RAP1GDS1: variants seen among roughly 807,000 people sequenced by gnomAD.
RAP1GDS1 encodes the protein RAP1, GTP-GDP dissociation stimulator 1.
A neutral mutation model predicts 71.1 loss-of-function variants in RAP1GDS1; 35 were observed. The observed-to-expected ratio is 0.49, with a 90% CI of 0.38 to 0.65. RAP1GDS1 has a LOEUF of 0.65. RAP1GDS1 is among the 30% of genes least tolerant of loss of function. The probability of loss-of-function intolerance (pLI) is 0.00; values close to 1 mark genes in which losing one functional copy is unlikely to be tolerated. For synonymous variants in RAP1GDS1, 229 were observed against 243.1 expected (o/e 0.94, Z 0.54); for missense variants, 663 against 706.1 (o/e 0.94, Z 0.69).
At chr4:98,418,524 G>A (rs1748332942) in intron 9 of RAP1GDS1, 133 bp from the exon 10 acceptor site, 2 of 854,922 alleles carry the variant, frequency 2.3e-6, no homozygotes, top group Non-Finnish European at 1.6e-6. Context: ...AAATCTGATG[G>A]GAGAAAGATT....
chr4:98,344,917 CA>C (rs571482212), intron 3 of RAP1GDS1, among the ~76,000 whole-genome samples: 303 of 152,228 alleles, frequency 2.0e-3, no homozygotes, highest in African/African-American at 7.2e-3. Context: ...CTTGACCTCC[CA>C]GGGTCAAGCA....
chr4:98,411,146 T>A (rs1395199198), intron 7 of RAP1GDS1, among the ~76,000 whole-genome samples: 1 of 152,192 alleles, frequency 6.6e-6, no homozygotes, highest in African/African-American at 2.4e-5. Context: ...GTGTAAACAG[T>A]GGTGATAAAG....
intron 7 of RAP1GDS1, among the ~76,000 whole-genome samples, chr4:98,406,471 C>T (rs945838685): frequency 6.6e-6 from 1 of 151,640 alleles, no homozygotes; most frequent in Non-Finnish European, 1.5e-5. Context: ...AATAAAAGGT[C>T]CAATTTACCT....
chr4:98,329,788 CAAAA>C (rs34140500), intron 2 of RAP1GDS1, among the ~76,000 whole-genome samples: 1 of 43,426 alleles, frequency 2.3e-5, no homozygotes, highest in Non-Finnish European at 4.9e-5. Context: ...GACTCCATCT[CAAAA>C]AAAAAAAAAA....
chr4:98,415,655 A>G (rs938879907), intron 7 of RAP1GDS1, among the ~76,000 whole-genome samples: 2 of 152,188 alleles, frequency 1.3e-5, no homozygotes. Context: ...GTATAATAAA[A>G]AGTGTTGATG....
rs188666423 is a variant in RAP1GDS1, at chr4:98,298,563, T to G, written c.112+5048T>G. On this transcript the variant is annotated intron_variant, in intron 2 of 14. Transcript: ENST00000408927. ...AAAACAAAGTCTGGATGACAGCACA[T>G]CTATTTACAGCATGGTTTACTGAAT... Among the ~76,000 whole-genome samples, 436 of 152,264 alleles carry G rather than the reference T, an allele frequency of 2.9e-3. 2 individuals carry two copies. The highest frequency in any genetic ancestry group is 9.9e-3 in the African/African-American group (413 of 41,536).
In RAP1GDS1 at chr4:98,442,129, T is replaced by TA. The variant is rs771478683; in HGVS notation, c.*13dup. 1.9e-6 allele frequency: 3 copies of TA among 1,611,168 alleles called. No individual in the cohort carries two copies. In the East Asian group the frequency reaches 6.7e-5, roughly 36 times the overall value. On this transcript the variant is annotated 3_prime_UTR_variant, in exon 15 of 15. Transcript: ENST00000408927. ...CTGTGGAAAGCTGAGAACTGCCCGA[T>TA]ACACGGCATCATCCCATCTCTAATT... is the stretch of plus-strand genomic sequence containing the variant.
intron 1 of RAP1GDS1, among the ~76,000 whole-genome samples, chr4:98,282,373 C>G (rs1725244876): frequency 6.6e-6 from 1 of 152,134 alleles, no homozygotes; most frequent in Non-Finnish European, 1.5e-5. Context: ...TCCATTTCTT[C>G]TAGATTTTCT....
intron 3 of RAP1GDS1, among the ~76,000 whole-genome samples, chr4:98,351,848 A>G (rs1305051168): frequency 6.6e-6 from 1 of 152,048 alleles, no homozygotes; most frequent in Non-Finnish European, 1.5e-5. Context: ...CTGTAAATGT[A>G]TGGGTATAGC....
chr4:98,419,453 T>C (rs1317241423), intron 10 of RAP1GDS1, among the ~76,000 whole-genome samples: 3 of 152,212 alleles, frequency 2.0e-5, no homozygotes, highest in African/African-American at 7.2e-5. Flanking sequence ...ATGTACAATT[T>C]TTTTAAAATA....
At chr4:98,367,055 C>T (rs1307133517) in intron 4 of RAP1GDS1, among the ~76,000 whole-genome samples, 4 of 152,208 alleles carry the variant, frequency 2.6e-5, no homozygotes, top group Non-Finnish European at 5.9e-5. Flanking sequence ...GAGGTCTTCA[C>T]AGCAGCCCCT....
chr4:98,400,120 G>A (rs1745156357), intron 6 of RAP1GDS1, among the ~76,000 whole-genome samples: 2 of 152,052 alleles, frequency 1.3e-5, no homozygotes, highest in East Asian at 1.9e-4. Context: ...TCACACCACT[G>A]CACTCCAGCT....
At chr4:98,294,553 G>T (rs1389508367) in intron 2 of RAP1GDS1, among the ~76,000 whole-genome samples, 1 of 152,146 alleles carries the variant, frequency 6.6e-6, no homozygotes, top group South Asian at 2.1e-4. Flanking sequence ...AGAGCATCCA[G>T]ATAAGGCTCA....
At chr4:98,311,386 A>G (rs1486746708) in intron 2 of RAP1GDS1, among the ~76,000 whole-genome samples, 2 of 152,186 alleles carry the variant, frequency 1.3e-5, no homozygotes, top group Non-Finnish European at 2.9e-5. Flanking sequence ...CTTCTTGTAA[A>G]GAGAAAAGAA....
chr4:98,411,068 AAAAAAG>A (rs1746994341), intron 7 of RAP1GDS1, among the ~76,000 whole-genome samples: 1 of 152,186 alleles, frequency 6.6e-6, no homozygotes, highest in Non-Finnish European at 1.5e-5. Context: ...TCACTCTTTA[AAAAAAG>A]TTTTAAAATA....
chr4:98,411,957 G>A (rs1747128772), intron 7 of RAP1GDS1, among the ~76,000 whole-genome samples: 1 of 152,128 alleles, frequency 6.6e-6, no homozygotes, highest in Non-Finnish European at 1.5e-5. Flanking sequence ...CAGTACAAGT[G>A]TACCTTTTAA....
intron 2 of RAP1GDS1, among the ~76,000 whole-genome samples, chr4:98,296,624 G>GAA (rs913447048): frequency 5.9e-5 from 9 of 152,102 alleles, no homozygotes; most frequent in African/African-American, 2.2e-4. Flanking sequence ...TACCAGCCAA[G>GAA]AAATCAGCTT....
chr4:98,387,710 T>G (rs960875239), intron 5 of RAP1GDS1, among the ~76,000 whole-genome samples: 1 of 152,106 alleles, frequency 6.6e-6, no homozygotes, highest in African/African-American at 2.4e-5. Flanking sequence ...TAAAACAGAG[T>G]CTTCGGACAT....
At chr4:98,417,604 A>G (rs963599846) in intron 9 of RAP1GDS1, 106 bp downstream of exon 9, 8 of 1,102,308 alleles carry the variant, frequency 7.3e-6, no homozygotes, top group Non-Finnish European at 1.0e-5. Flanking sequence ...GTTGTGTAAT[A>G]TGTGTATATG....
Sources: allele counts gnomAD v4.1 joint callset (sites outside exome capture counted in the v4.1 genomes callset), GRCh38; gene constraint gnomAD v4.1.1; transcripts MANE v1.5; gene names NCBI Gene and HGNC (gene_info 2026-07-23, HGNC 2026-07-21).